LGSN: variants seen among roughly 807,000 people sequenced by gnomAD.
LGSN encodes the protein lengsin.
In LGSN, 21 loss-of-function variants were observed where a neutral mutation model predicts 19.5. That is an observed-to-expected ratio of 1.07 (90% CI 0.76 to 1.55). The LOEUF (loss-of-function observed/expected upper bound fraction) is 1.55, where lower values mean the gene tolerates loss of function less well. Ranked by LOEUF, LGSN falls within the 40% of genes most tolerant of loss-of-function variation. LGSN has a pLI of 0.00. For synonymous variants in LGSN, 257 were observed against 215.6 expected (o/e 1.19, Z -1.68); for missense variants, 673 against 608.5 (o/e 1.11, Z -1.12).
At chr6:63,426,445 A>G in the LGSN span, among the ~76,000 whole-genome samples, 1 of 152,054 alleles carries the variant, frequency 6.6e-6, no homozygotes, top group African/African-American at 2.4e-5. Context: ...AGTGTTTGCC[A>G]TTTTTCCTTG....
the LGSN span, among the ~76,000 whole-genome samples, chr6:63,422,152 C>T: frequency 2.0e-5 from 3 of 152,122 alleles, no homozygotes; most frequent in Admixed American, 6.6e-5. Flanking sequence ...CAACCTCTAC[C>T]TCCCGGGTTC....
chr6:63,510,979 T>C, the LGSN span, among the ~76,000 whole-genome samples: 1 of 151,198 alleles, frequency 6.6e-6, no homozygotes, highest in Non-Finnish European at 1.5e-5. Context: ...CCGGTCAAGA[T>C]GCGAATTATT....
chr6:63,497,298 C>T, the LGSN span, among the ~76,000 whole-genome samples: 1 of 152,100 alleles, frequency 6.6e-6, no homozygotes, highest in African/African-American at 2.4e-5. Flanking sequence ...CCTGTAATCC[C>T]TGCACTTTGG....
the LGSN span, among the ~76,000 whole-genome samples, chr6:63,403,808 G>A: frequency 1.3e-5 from 2 of 152,184 alleles, no homozygotes; most frequent in South Asian, 2.1e-4. Context: ...CCTGGTGTTC[G>A]TGACTTTGTA....
chr6:63,283,651 C>T (rs1395436686), intron 3 of LGSN, among the ~76,000 whole-genome samples: 2 of 142,358 alleles, frequency 1.4e-5, no homozygotes, highest in Non-Finnish European at 3.0e-5. Context: ...GAATAAGGTA[C>T]ACACACACAC....
the LGSN span, chr6:63,549,121 TG>T: frequency 1.4e-6 from 1 of 696,050 alleles, no homozygotes. Context: ...GGTCTCTTAG[TG>T]GGGATGCCCC....
the LGSN span, among the ~76,000 whole-genome samples, chr6:63,403,794 A>T: frequency 6.6e-6 from 1 of 152,228 alleles, no homozygotes; most frequent in African/African-American, 2.4e-5. Context: ...CGTGATTCCC[A>T]CATCCTGGTG....
chr6:63,321,452 C>G (rs941361454), upstream of LGSN, among the ~76,000 whole-genome samples: 6 of 152,038 alleles, frequency 3.9e-5, no homozygotes, highest in Non-Finnish European at 8.8e-5. Context: ...TACTACTTAC[C>G]CAAATTTTCT....
chr6:63,531,508 T>C, the LGSN span, among the ~76,000 whole-genome samples: 32 of 151,528 alleles, frequency 2.1e-4, no homozygotes, highest in African/African-American at 7.3e-4. Context: ...CCATATCTAT[T>C]ATGCTTTTTT....
the LGSN span, among the ~76,000 whole-genome samples, chr6:63,420,909 A>G: frequency 6.6e-6 from 1 of 152,356 alleles, no homozygotes; most frequent in African/African-American, 2.4e-5. Flanking sequence ...AAAGAAATCA[A>G]AAGTCTTGGT....
At chr6:63,384,714 A>T in the LGSN span, among the ~76,000 whole-genome samples, 1,465 of 152,242 alleles carry the variant, frequency 9.6e-3, 15 homozygotes, top group African/African-American at 0.033. Context: ...ACAGGGTTTC[A>T]CCATGTTGGT....
At chr6:63,306,282 C>G (rs1275219658) in intron 1 of LGSN, among the ~76,000 whole-genome samples, 2 of 152,156 alleles carry the variant, frequency 1.3e-5, no homozygotes, top group Non-Finnish European at 2.9e-5. Context: ...GAATTCAAAT[C>G]TAAGTATTTT....
chr6:63,484,322 G>GCAAAACGTGT, the LGSN span, among the ~76,000 whole-genome samples: 2 of 152,030 alleles, frequency 1.3e-5, no homozygotes, highest in Non-Finnish European at 2.9e-5. Flanking sequence ...GAACAACATG[G>GCAAAACGTGT]CAAAACCTGT....
the LGSN span, chr6:63,549,500 T>C: frequency 1.3e-6 from 1 of 761,902 alleles, no homozygotes; most frequent in Non-Finnish European, 2.3e-6. Context: ...CCTTCTTTCC[T>C]TTCGGCAGGA....
At chr6:63,448,875 T>A in the LGSN span, among the ~76,000 whole-genome samples, 150 of 152,220 alleles carry the variant, frequency 9.9e-4, 2 homozygotes, top group Non-Finnish European at 1.5e-3. Context: ...GTTAAAAGTG[T>A]GTTTAACAAG....
the LGSN span, among the ~76,000 whole-genome samples, chr6:63,445,554 G>T: frequency 6.6e-6 from 1 of 152,064 alleles, no homozygotes; most frequent in Non-Finnish European, 1.5e-5. Flanking sequence ...GAAGGTGGAG[G>T]TTGCAGTGAG....
the LGSN span, among the ~76,000 whole-genome samples, chr6:63,505,605 G>T: frequency 0.095 from 10,856 of 114,068 alleles, 1,882 homozygotes; most frequent in Admixed American, 0.15. Context: ...AAGAAAGAAA[G>T]AAAGAAAGAA....
the LGSN span, among the ~76,000 whole-genome samples, chr6:63,337,613 G>T: frequency 2.8e-4 from 43 of 151,560 alleles, 1 homozygote; most frequent in East Asian, 8.4e-3. Flanking sequence ...ACCAACCAGG[G>T]TAACATGGCC....
At chr6:63,423,114 A>G in the LGSN span, among the ~76,000 whole-genome samples, 1 of 152,228 alleles carries the variant, frequency 6.6e-6, no homozygotes, top group Non-Finnish European at 1.5e-5. Flanking sequence ...TGGGAGGTCA[A>G]GATGGGAGGA....
Sources: allele counts gnomAD v4.1 joint callset (sites outside exome capture counted in the v4.1 genomes callset), GRCh38; gene constraint gnomAD v4.1.1; transcripts MANE v1.5; gene names NCBI Gene and HGNC (gene_info 2026-07-23, HGNC 2026-07-21).